TRPM6: variants seen among roughly 807,000 people sequenced by gnomAD.
The protein encoded by TRPM6 is transient receptor potential cation channel subfamily M member 6, also known as channel kinase 2.
TRPM6 carries 111 observed loss-of-function variants against 247.6 expected under a neutral mutation model. The ratio of observed to expected loss-of-function variants is 0.45; its 90% CI spans 0.38 to 0.52. The LOEUF is 0.52. TRPM6 is among the 20% of genes least tolerant of loss of function. TRPM6 has a pLI of 0.00. For synonymous variants in TRPM6, 892 were observed against 853.8 expected (o/e 1.04, Z -0.78); for missense variants, 2,126 against 2,421.5 (o/e 0.88, Z 2.56).
At position 74,724,122 on chromosome 9, in the gene TRPM6, A is replaced by C; in HGVS notation, c.*491T>G. On this transcript the variant is annotated 3_prime_UTR_variant, in exon 39 of 39. Transcript: ENST00000360774. ...TTGTTTTTCCTATCATTGCTATTCA[A>C]AGTCCTATGTTGTGGAAAAGACAGA... The C allele has an allele frequency of 5.7e-6, 1 of 176,632 alleles. No individual in the cohort carries two copies. Among genetic ancestry groups the C allele is most frequent in the South Asian group, 1.3e-4 (1 of 7,568 alleles). 10.9% of individuals were successfully genotyped at this position (176,632 alleles called of 1,614,324 possible).
intron 19 of TRPM6, among the ~76,000 whole-genome samples, chr9:74,791,657 A>G (rs1339137825): frequency 6.6e-6 from 1 of 152,214 alleles, no homozygotes; most frequent in African/African-American, 2.4e-5. Flanking sequence ...TTTTCTCTCT[A>G]TATTTATAAA....
rs562403860 is a variant in TRPM6, at chr9:74,746,044, C to T, written c.5083+1845G>A. On this transcript the variant is annotated intron_variant, in intron 31 of 38. Coordinates refer to ENST00000360774, the MANE Select transcript of TRPM6 (RefSeq NM_017662.5). ...GATCACGAGGTCAGAAGATTGAGACCATCCTGGCTAACACGGTGAAACCCC... is the reference window on the plus strand; with the variant it reads ...GATCACGAGGTCAGAAGATTGAGACTATCCTGGCTAACACGGTGAAACCCC... 2.0e-5 allele frequency among the ~76,000 whole-genome samples: 3 copies of T among 152,132 alleles called. 1 individual carries two copies. The East Asian group carries it at 5.8e-4, about 30-fold the overall frequency.
chr9:74,824,581 AG>A (rs1829265149), intron 7 of TRPM6, among the ~76,000 whole-genome samples: 1 of 151,702 alleles, frequency 6.6e-6, no homozygotes, highest in Non-Finnish European at 1.5e-5. Flanking sequence ...TGGTTTAAAA[AG>A]AAAAAAATGT....
intron 4 of TRPM6, among the ~76,000 whole-genome samples, chr9:74,840,764 C>T (rs2118194131): frequency 6.9e-6 from 1 of 144,940 alleles, no homozygotes; most frequent in Non-Finnish European, 1.5e-5. Context: ...TTGCAGTGAG[C>T]TGAGATCATT....
At chr9:74,813,182 C>T (rs73534363) in intron 11 of TRPM6, among the ~76,000 whole-genome samples, 2,026 of 152,294 alleles carry the variant, frequency 0.013, 41 homozygotes, top group African/African-American at 0.046. Flanking sequence ...TTTTCTCCCA[C>T]TCAAAACTTC....
intron 4 of TRPM6, among the ~76,000 whole-genome samples, chr9:74,841,941 G>A (rs544248307): frequency 1.6e-4 from 24 of 152,028 alleles, no homozygotes; most frequent in South Asian, 4.2e-4. Flanking sequence ...TAGAAACCCC[G>A]TCTCTACTAA....
rs560270532 is a variant in TRPM6, at chr9:74,801,761, C to A, written c.2009+137G>T. On this transcript the variant is annotated intron_variant, in intron 16 of 38. Coordinates refer to ENST00000360774, the MANE Select transcript of TRPM6 (RefSeq NM_017662.5). ...AAAGCTCCTTAGAATACCTGAAGAC[C>A]CTTTTAACAGGAGAGTCCATAAAAT... The A allele has an allele frequency of 3.7e-6, 4 of 1,079,430 alleles. No homozygotes were observed. In the South Asian group the frequency reaches 5.5e-5, roughly 15 times the overall value. 66.9% of individuals were successfully genotyped at this position (1,079,430 alleles called of 1,614,324 possible).
intron 3 of TRPM6, among the ~76,000 whole-genome samples, chr9:74,844,040 T>G (rs762220530): frequency 2.0e-5 from 3 of 152,172 alleles, no homozygotes; most frequent in African/African-American, 4.8e-5. Flanking sequence ...GCTTAAAATA[T>G]TCAGTAAACC....
chr9:74,828,982 C>T (rs1263708704), intron 6 of TRPM6, among the ~76,000 whole-genome samples: 2 of 152,224 alleles, frequency 1.3e-5, no homozygotes, highest in Non-Finnish European at 2.9e-5. Context: ...TGACTTTTCT[C>T]TAGTATTTCA....
chr9:74,849,115 C>G (rs1041038737), intron 3 of TRPM6, among the ~76,000 whole-genome samples: 1 of 152,084 alleles, frequency 6.6e-6, no homozygotes, highest in South Asian at 2.1e-4. Context: ...TTCGGGAGGC[C>G]GAGGTGGGCA....
intron 35 of TRPM6, 127 bp downstream of exon 35, chr9:74,739,240 G>T (rs1825785247): frequency 2.1e-6 from 2 of 957,590 alleles, no homozygotes; most frequent in Non-Finnish European, 3.4e-6. Flanking sequence ...ATTATGGAAG[G>T]AAGAATCCAA....
intron 18 of TRPM6, among the ~76,000 whole-genome samples, chr9:74,795,529 T>A (rs61279305): frequency 0.15 from 23,160 of 152,060 alleles, 1,766 homozygotes; most frequent in East Asian, 0.24. Context: ...CCCAACTCCA[T>A]GACCCTGTTG....
chr9:74,789,908 C>A (rs1283402137), intron 19 of TRPM6, among the ~76,000 whole-genome samples: 2 of 146,124 alleles, frequency 1.4e-5, no homozygotes, highest in East Asian at 2.0e-4. Flanking sequence ...TTGCAGTGAG[C>A]CGAGATTGCA....
Position 74,738,728 on chromosome 9 carries a change from G to A in TRPM6, c.5571-116C>T, listed in dbSNP as rs886552118. The A allele has an allele frequency of 1.3e-5, 11 of 874,728 alleles. No individual in the cohort carries two copies. The African/African-American group carries it at 1.7e-4, about 13-fold the overall frequency. 54.2% of individuals were successfully genotyped at this position (874,728 alleles called of 1,614,324 possible). ...AACTCTGGTATGATGCAGCCTCAAT[G>A]CACATGCCCTTGCCCTTTCTATGGA... On this transcript the variant is annotated intron_variant, in intron 35 of 38. Coordinates refer to ENST00000360774, the MANE Select transcript of TRPM6 (RefSeq NM_017662.5).
intron 1 of TRPM6, among the ~76,000 whole-genome samples, chr9:74,876,105 T>C (rs557278819): frequency 5.1e-4 from 77 of 152,260 alleles, no homozygotes; most frequent in African/African-American, 1.8e-3. Context: ...TTTTTGGAGA[T>C]GGATTTTCGC....
chr9:74,737,265 T>TA (rs1825725095), intron 36 of TRPM6: 2 of 683,694 alleles, frequency 2.9e-6, no homozygotes, highest in South Asian at 1.9e-5. Flanking sequence ...ATATGTCATT[T>TA]AAAAAATGCA....
chr9:74,761,693 T>C lies in TRPM6; in HGVS notation c.4785+3A>G, dbSNP rs1401324366. On this transcript the variant is annotated splice_donor_region_variant and intron_variant, in intron 27 of 38. Transcript: ENST00000360774. The stretch of plus-strand genomic sequence containing the variant: ...CTAAAAGACAGAATAACAGTACACT[T>C]ACTGGCACCTGGAGTCCTTGAGTAT... 6.3e-7 allele frequency: 1 copy of C among 1,575,286 alleles called. No homozygotes were observed. The highest frequency in any genetic ancestry group is 2.2e-5 in the East Asian group (1 of 44,590).
intron 6 of TRPM6, among the ~76,000 whole-genome samples, 160 bp downstream of exon 6, chr9:74,833,838 A>ATC (rs1372534585): frequency 6.6e-6 from 1 of 152,226 alleles, no homozygotes; most frequent in Non-Finnish European, 1.5e-5. Context: ...TGGGACTGTC[A>ATC]TCTTCTAAGA....
At chr9:74,845,692 G>A (rs768329387) in intron 3 of TRPM6, among the ~76,000 whole-genome samples, 3 of 151,840 alleles carry the variant, frequency 2.0e-5, no homozygotes, top group Non-Finnish European at 2.9e-5. Flanking sequence ...AATTAGCCCT[G>A]TGTGGTGGAG....
Sources: gnomAD v4.1 joint callset for allele counts (sites outside exome capture counted in the v4.1 genomes callset) on GRCh38, gnomAD v4.1.1 for gene constraint, MANE v1.5 for transcripts, NCBI Gene and HGNC (gene_info 2026-07-23, HGNC 2026-07-21) for gene names.